Variants in KCTD5 observed in about 807,000 individuals in gnomAD.
KCTD5 encodes potassium channel tetramerization domain containing 5.
Under a neutral mutation model 27.9 loss-of-function variants are expected in KCTD5, and 12 were observed. That is an observed-to-expected ratio of 0.43 (90% CI 0.28 to 0.70). KCTD5 has a LOEUF of 0.70. Among genes scored for constraint, KCTD5 ranks in the 30% least tolerant of loss-of-function variants. The pLI is 0.19. For missense variants in KCTD5, 226 were observed against 274.8 expected, an observed-to-expected ratio of 0.82 and a Z score of 1.26; for synonymous variants, 147 against 121.4, an observed-to-expected ratio of 1.21 and a Z score of -1.39.
chr16:2,698,650 G>A (rs532642774), intron 3 of KCTD5, among the ~76,000 whole-genome samples: 66 of 148,348 alleles, frequency 4.4e-4, no homozygotes, highest in African/African-American at 1.5e-3. Context: ...GGTGTGTGCC[G>A]CACTGTGGCC....
intron 1 of KCTD5, among the ~76,000 whole-genome samples, chr16:2,687,040 T>C (rs960960148): frequency 5.9e-5 from 9 of 152,182 alleles, no homozygotes; most frequent in Non-Finnish European, 1.3e-4. Context: ...CCACAAGTCA[T>C]CTTCTATTCT....
At chr16:2,707,270 C>T in intron 5 of KCTD5, 28 bp from the exon 6 acceptor site, 1 of 1,611,638 alleles carries the variant, frequency 6.2e-7, no homozygotes, top group Non-Finnish European at 8.5e-7. Context: ...AGCCCAAGTC[C>T]TCATTTTATG....
Position 2,708,437 on chromosome 16 carries a change from G to A in KCTD5, c.*1110G>A, listed in dbSNP as rs995683807. On this transcript the variant is annotated 3_prime_UTR_variant, in exon 6 of 6. Coordinates refer to ENST00000301738, the MANE Select transcript of KCTD5 (RefSeq NM_018992.4). ...GAAAACAGACCTTTCTCAGCTGGCTGTGGGGACCTGTCAGAGTCTGGGGAC... is the reference window on the plus strand; with the variant it reads ...GAAAACAGACCTTTCTCAGCTGGCTATGGGGACCTGTCAGAGTCTGGGGAC... 6.6e-6 allele frequency: 1 copy of A among 152,550 alleles called. No homozygotes were observed. Among genetic ancestry groups the A allele is most frequent in the Non-Finnish European group, 1.5e-5 (1 of 68,080 alleles). The allele number at this position is 152,550 out of a possible 1,614,324, so 9.4% of individuals were successfully genotyped here.
chr16:2,699,877 G>C lies in KCTD5; in HGVS notation c.510G>C (p.Gln170His). 1 of 1,614,004 alleles carries C rather than the reference G, an allele frequency of 6.2e-7. No individual in the cohort carries two copies. The highest frequency in any genetic ancestry group is 8.5e-7 in the Non-Finnish European group (1 of 1,179,988). The change falls in exon 4 of 6, where the codon CAG (glutamine) becomes CAC (histidine). Residue 170 changes from glutamine to histidine, a missense_variant. Around this residue, in one of 2 missense-constraint regions of KCTD5, gnomAD observed 135 missense variants for 207.0 expected, o/e 0.65. Coordinates refer to ENST00000301738, the MANE Select transcript of KCTD5 (RefSeq NM_018992.4). ...AGTGCCAGGAGGAGGAGCTCACGCA[G>C]ATGGTGTCCACCATGTCCGACGGCT... ...VLQCQEEELT[Q>H]MVSTMSDGWK...
intron 1 of KCTD5, among the ~76,000 whole-genome samples, chr16:2,688,355 T>A (rs1378710587): frequency 2.0e-5 from 3 of 151,492 alleles, no homozygotes; most frequent in South Asian, 2.1e-4. Context: ...GGTTCAAGCA[T>A]TTCTCCTGCC....
chr16:2,685,438 AAAAAG>A lies in KCTD5; in HGVS notation c.252+2644_252+2648del, dbSNP rs1292821232. 5.9e-5 allele frequency among the ~76,000 whole-genome samples: 9 copies of A among 151,728 alleles called. No individual in the cohort carries two copies. The South Asian group carries it at 8.4e-4, about 14-fold the overall frequency. On this transcript the variant is annotated intron_variant, in intron 1 of 5. Transcript: ENST00000301738. ...CGAGACTCTGTCTCAAAAAAAAAGA[AAAAAG>A]AAAAGGAGAAAACAATAATTGGAGT... is the stretch of plus-strand genomic sequence containing the variant.
rs778499871 is a variant in KCTD5, at chr16:2,682,583, C to T, written c.35C>T (p.Ala12Val). The T allele has an allele frequency of 6.4e-5, 91 of 1,419,222 alleles. No homozygotes were observed. The highest frequency in any genetic ancestry group is 7.9e-5 in the Non-Finnish European group (86 of 1,091,218). 87.9% of individuals were successfully genotyped at this position (1,419,222 alleles called of 1,614,324 possible). ...AATCACTGCGAGCTCCTGTCGCCGG[C>T]CCGGGGCGGCATCGGGGCGGGGCTG... The part of the protein sequence containing the change: ...AENHCELLSP[A>V]RGGIGAGLGG... The change falls in exon 1 of 6, where the codon GCC becomes GTC. Residue 12 changes from alanine to valine, a missense_variant. Around this residue, in one of 2 missense-constraint regions of KCTD5, gnomAD observed 91 missense variants for 67.8 expected, o/e 1.34. Transcript: ENST00000301738.
intron 1 of KCTD5, among the ~76,000 whole-genome samples, chr16:2,688,174 G>A (rs745812640): frequency 1.6e-4 from 24 of 149,572 alleles, no homozygotes; most frequent in Admixed American, 6.0e-4. Flanking sequence ...TGTGCCTGGC[G>A]GTCTTCATTT....
At chr16:2,703,618 C>T (rs1412273579) in intron 5 of KCTD5, among the ~76,000 whole-genome samples, 1 of 152,220 alleles carries the variant, frequency 6.6e-6, no homozygotes, top group Non-Finnish European at 1.5e-5. Flanking sequence ...GTGGGGCCGC[C>T]AAGCATGTCT....
chr16:2,702,236 T>C, intron 4 of KCTD5, 117 bp from the exon 5 acceptor site: 2 of 1,297,510 alleles, frequency 1.5e-6, no homozygotes, highest in Non-Finnish European at 2.2e-6. Flanking sequence ...TCCTGAAGCG[T>C]CGGCAGTCTT....
intron 4 of KCTD5, among the ~76,000 whole-genome samples, chr16:2,701,363 C>T (rs1034554153): frequency 1.3e-5 from 2 of 152,194 alleles, no homozygotes; most frequent in African/African-American, 2.4e-5. Context: ...TGGGACCCTG[C>T]GGGGTGCTGG....
intron 1 of KCTD5, among the ~76,000 whole-genome samples, chr16:2,687,016 G>A (rs1289014258): frequency 6.6e-6 from 1 of 152,176 alleles, no homozygotes; most frequent in African/African-American, 2.4e-5. Context: ...CTCTGAGCAC[G>A]ATCTTCGCTC....
At chr16:2,688,255 T>A (rs1430403919) in intron 1 of KCTD5, among the ~76,000 whole-genome samples, 67 of 142,538 alleles carry the variant, frequency 4.7e-4, no homozygotes, top group South Asian at 2.5e-3. Context: ...ATTTATTTAT[T>A]TATTTATTTA....
In KCTD5 at chr16:2,682,540, G is replaced by T; in HGVS notation, c.-9G>T. ...GTGGAAGGGAGCTGTTGCGGGGCTT[G>T]CTGGGATCATGGCGGAGAATCACTG... is the stretch of plus-strand genomic sequence containing the variant. On this transcript the variant is annotated 5_prime_UTR_variant, in exon 1 of 6. Coordinates refer to ENST00000301738, the MANE Select transcript of KCTD5 (RefSeq NM_018992.4). 13 of 1,398,972 alleles carry T rather than the reference G, an allele frequency of 9.3e-6. No homozygotes were observed. The highest frequency in any genetic ancestry group is 1.2e-5 in the Non-Finnish European group (13 of 1,078,922). 86.7% of individuals were successfully genotyped at this position (1,398,972 alleles called of 1,614,324 possible). A position where few individuals can be genotyped will look rare whatever the true frequency, so the allele number is the denominator to read the frequency against.
At chr16:2,685,986 C>G (rs1019989827) in intron 1 of KCTD5, 1 of 151,006 alleles carries the variant, frequency 6.6e-6, no homozygotes, top group African/African-American at 2.4e-5. Flanking sequence ...GGGAGAGCAC[C>G]CTGCTAAAGC....
At chr16:2,690,555 A>G (rs2067561783) in intron 1 of KCTD5, among the ~76,000 whole-genome samples, 3 of 152,242 alleles carry the variant, frequency 2.0e-5, no homozygotes, top group African/African-American at 7.2e-5. Context: ...AACCTTCCTG[A>G]GATCAAGCGC....
At chr16:2,700,528 G>A (rs1347168707) in intron 4 of KCTD5, among the ~76,000 whole-genome samples, 1 of 152,238 alleles carries the variant, frequency 6.6e-6, no homozygotes, top group Non-Finnish European at 1.5e-5. Flanking sequence ...GGACACGTGA[G>A]GCATGGCCTC....
At chr16:2,698,341 G>C (rs2067595762) in intron 3 of KCTD5, among the ~76,000 whole-genome samples, 1 of 152,254 alleles carries the variant, frequency 6.6e-6, no homozygotes, top group African/African-American at 2.4e-5. Context: ...AGGGAGCAGA[G>C]GGTGCCAAGG....
At chr16:2,690,606 G>A (rs2067561995) in intron 1 of KCTD5, among the ~76,000 whole-genome samples, 1 of 152,224 alleles carries the variant, frequency 6.6e-6, no homozygotes, top group Non-Finnish European at 1.5e-5. Context: ...GTATGAGAAA[G>A]CCAGGAAGAA....
Sources: allele counts gnomAD v4.1 joint callset (sites outside exome capture counted in the v4.1 genomes callset), GRCh38; gene constraint gnomAD v4.1.1; regional missense constraint gnomAD v4.1.1; transcripts MANE v1.5; gene names NCBI Gene and HGNC (gene_info 2026-07-23, HGNC 2026-07-21).